Variants in PDE4B observed in about 807,000 individuals in gnomAD.
PDE4B encodes 3',5'-cyclic-AMP phosphodiesterase 4B.
In PDE4B, 20 loss-of-function variants were observed where a neutral mutation model predicts 82.2. That is an observed-to-expected ratio of 0.24 (90% CI 0.17 to 0.35). The LOEUF (loss-of-function observed/expected upper bound fraction) is 0.35, where lower values mean the gene tolerates loss of function less well. Ranked by LOEUF, PDE4B falls within the 10% of genes least tolerant of loss-of-function variation. The pLI, the probability that PDE4B is intolerant of heterozygous loss-of-function variation, is 1.00. For missense variants in PDE4B, 655 were observed against 907.2 expected, an observed-to-expected ratio of 0.72 and a Z score of 3.57; for synonymous variants, 320 against 318.9, an observed-to-expected ratio of 1.00 and a Z score of -0.04.
rs1425222395 is a variant in PDE4B, at chr1:66,019,815, G to T, written c.281+100980G>T. ...CACTTTATAGTGCTAACCCAAATCTGATCTGGAAATCTGTTCAGATCCAGT... is the reference window on the plus strand; with the variant it reads ...CACTTTATAGTGCTAACCCAAATCTTATCTGGAAATCTGTTCAGATCCAGT... On this transcript the variant is annotated intron_variant, in intron 3 of 16. Coordinates refer to ENST00000341517, the MANE Select transcript of PDE4B (RefSeq NM_002600.4). Among the ~76,000 whole-genome samples the T allele has an allele frequency of 2.0e-5, 3 of 152,142 alleles. No homozygotes were observed. In the East Asian group the frequency reaches 5.8e-4, roughly 29 times the overall value.
chr1:65,938,747 G>GT (rs1449538334), intron 3 of PDE4B, among the ~76,000 whole-genome samples: 2 of 152,180 alleles, frequency 1.3e-5, no homozygotes, highest in African/African-American at 2.4e-5. Flanking sequence ...AAAGAAGATT[G>GT]TATGTTGAGG....
At chr1:65,971,362 A>G (rs765761403) in intron 3 of PDE4B, among the ~76,000 whole-genome samples, 3 of 152,160 alleles carry the variant, frequency 2.0e-5, no homozygotes, top group South Asian at 2.1e-4. Context: ...TGAAGTACCA[A>G]TGCATTTTCT....
chr1:65,859,763 T>G (rs1646433284), intron 1 of PDE4B, among the ~76,000 whole-genome samples: 1 of 152,234 alleles, frequency 6.6e-6, no homozygotes, highest in Non-Finnish European at 1.5e-5. Flanking sequence ...TGTTGGCAAC[T>G]ATCTTTTAGA....
intron 3 of PDE4B, among the ~76,000 whole-genome samples, chr1:66,158,326 T>C (rs1646542051): frequency 6.6e-6 from 1 of 152,160 alleles, no homozygotes; most frequent in African/African-American, 2.4e-5. Context: ...AAGGGGTTAA[T>C]ATCCAGCAAA....
At position 65,826,793 on chromosome 1, in the gene PDE4B, T is replaced by C. The variant is rs140462144; in HGVS notation, c.-71+33545T>C. Among the ~76,000 whole-genome samples the C allele has an allele frequency of 6.6e-3, 1,004 of 152,090 alleles. 9 individuals are homozygous for C. Among genetic ancestry groups the C allele is most frequent in the African/African-American group, 0.022 (912 of 41,472 alleles). On this transcript the variant is annotated intron_variant, in intron 1 of 16. Transcript: ENST00000341517. Reference sequence around the variant, plus strand: ...GGAGGAGAAGGAACACTTAGGAAAATTACACCCCCTATTGTGACCCAGGTT... The same window carrying C: ...GGAGGAGAAGGAACACTTAGGAAAACTACACCCCCTATTGTGACCCAGGTT...
chr1:66,010,187 C>A (rs1310019212), intron 3 of PDE4B, among the ~76,000 whole-genome samples: 1 of 151,456 alleles, frequency 6.6e-6, no homozygotes, highest in African/African-American at 2.4e-5. Context: ...CACTGAGGCC[C>A]CATGTTGAAT....
chr1:66,131,143 G>T (rs958646790), intron 3 of PDE4B, among the ~76,000 whole-genome samples: 3 of 152,150 alleles, frequency 2.0e-5, no homozygotes, highest in African/African-American at 7.2e-5. Flanking sequence ...AGTCAAAAGT[G>T]TTGTGCAAAG....
chr1:65,897,690 T>G (rs1272060748), intron 1 of PDE4B, among the ~76,000 whole-genome samples: 1 of 152,080 alleles, frequency 6.6e-6, no homozygotes, highest in African/African-American at 2.4e-5. Flanking sequence ...CTGCATAGTA[T>G]TCCATGCTGT....
At chr1:66,270,997 G>C (rs1655434227) in intron 7 of PDE4B, among the ~76,000 whole-genome samples, 1 of 152,146 alleles carries the variant, frequency 6.6e-6, no homozygotes, top group Non-Finnish European at 1.5e-5. Flanking sequence ...TTTTCCAAAT[G>C]GTTGTTTTGT....
chr1:66,106,862 A>T (rs1645372832), intron 3 of PDE4B, among the ~76,000 whole-genome samples: 1 of 101,266 alleles, frequency 9.9e-6, no homozygotes, highest in African/African-American at 3.1e-5. Flanking sequence ...GCATTCTGTC[A>T]ATTTTGTTGA....
intron 3 of PDE4B, among the ~76,000 whole-genome samples, chr1:66,164,545 A>G (rs1341913684): frequency 6.8e-6 from 1 of 146,312 alleles, no homozygotes; most frequent in Admixed American, 6.8e-5. Context: ...CAAAAAAAAA[A>G]AAAAAAAAAA....
At chr1:66,340,827 G>GA (rs1382925114) in intron 8 of PDE4B, among the ~76,000 whole-genome samples, 4 of 152,002 alleles carry the variant, frequency 2.6e-5, no homozygotes, top group Non-Finnish European at 5.9e-5. Context: ...GTTTTAGAAA[G>GA]AAAATAGTAA....
At chr1:66,190,815 G>GCTCATACTCGGTGTGCTGCACGTGCTGTC (rs1326329119) in intron 3 of PDE4B, among the ~76,000 whole-genome samples, 15 of 152,030 alleles carry the variant, frequency 9.9e-5, no homozygotes, top group African/African-American at 3.6e-4. Flanking sequence ...CCCTGCTTTG[G>GCTCATACTCGGTGTGCTGCACGTGCTGTC]CTCATACTCG....
chr1:65,984,989 A>G (rs954674970), intron 3 of PDE4B, among the ~76,000 whole-genome samples: 4 of 152,106 alleles, frequency 2.6e-5, no homozygotes, highest in Admixed American at 6.6e-5. Context: ...ATAAAATTCT[A>G]TTTTCTTCGT....
chr1:66,283,426 G>C (rs1247964095), intron 7 of PDE4B, among the ~76,000 whole-genome samples: 1 of 151,936 alleles, frequency 6.6e-6, no homozygotes, highest in African/African-American at 2.4e-5. Context: ...AGGAGTCTTA[G>C]AAGGTTGCAA....
chr1:66,028,574 A>C (rs1311716402), intron 3 of PDE4B, among the ~76,000 whole-genome samples: 1 of 152,168 alleles, frequency 6.6e-6, no homozygotes, highest in African/African-American at 2.4e-5. Flanking sequence ...TCAGGCTGCA[A>C]ATTTTCCAAA....
At chr1:66,174,254 C>A (rs561083669) in intron 3 of PDE4B, among the ~76,000 whole-genome samples, 97 of 152,238 alleles carry the variant, frequency 6.4e-4, no homozygotes, top group Non-Finnish European at 1.2e-3. Flanking sequence ...ATTTTATGAA[C>A]TCTAGGGGAA....
chr1:66,027,339 C>T (rs558139416), intron 3 of PDE4B, among the ~76,000 whole-genome samples: 7 of 152,270 alleles, frequency 4.6e-5, no homozygotes, highest in South Asian at 2.1e-4. Context: ...AAGAGTAGCA[C>T]GGGAAAGACT....
At chr1:65,841,992 T>TG (rs1646212325) in intron 1 of PDE4B, among the ~76,000 whole-genome samples, 1 of 152,198 alleles carries the variant, frequency 6.6e-6, no homozygotes, top group South Asian at 2.1e-4. Context: ...AAGAATCCAT[T>TG]ATCTAATTAG....
Sources: gnomAD v4.1 joint callset for allele counts (sites outside exome capture counted in the v4.1 genomes callset) on GRCh38, gnomAD v4.1.1 for gene constraint, MANE v1.5 for transcripts, NCBI Gene and HGNC (gene_info 2026-07-23, HGNC 2026-07-21) for gene names.